Variants in MDGA1 observed in about 807,000 individuals in gnomAD.
MDGA1 encodes MAM domain-containing glycosylphosphatidylinositol anchor protein 1.
In MDGA1, 54 loss-of-function variants were observed where a neutral mutation model predicts 101.5. The observed-to-expected ratio is 0.53, with a 90% CI of 0.43 to 0.67. MDGA1 has a LOEUF of 0.67. MDGA1 is among the 30% of genes least tolerant of loss of function. The pLI is 0.00. For missense variants in MDGA1, 1,083 were observed against 1,323.8 expected, an observed-to-expected ratio of 0.82 and a Z score of 2.82; for synonymous variants, 533 against 558.3, an observed-to-expected ratio of 0.95 and a Z score of 0.64.
rs375950777 is a variant in MDGA1 at position 37,638,640 on chromosome 6, C to T, written c.2564G>A (p.Arg855Gln). Residue 855 changes from arginine to glutamine, a missense_variant, in exon 15 of 17, where the codon CGG (arginine) becomes CAG (glutamine). Physicochemically the swap from Arg to Gln is conservative, Grantham distance 43. Transcript: ENST00000434837. This position sits in a 1 kb window ranked among gnomAD's most constrained non-coding sequence, Gnocchi z 4.8. ...IGSLNLLVRS[R>Q]NKGALDTHAW... ...GTGCGTGTCCAGAGCCCCTTTGTTC[C>T]GGGACCGCACCAGGAGGTTGAGGGA... 11 of 1,613,562 alleles carry T rather than the reference C, an allele frequency of 6.8e-6. No homozygotes were observed. The highest frequency in any genetic ancestry group is 2.2e-5 in the East Asian group (1 of 44,884).
chr6:37,658,790 G>A lies in MDGA1; in HGVS notation c.208-371C>T, dbSNP rs899140093. ...GTTCGAGACCAGCCTGGCCAACATG[G>A]TGAAACCACGGCTCTACTAAAAATA... is the stretch of plus-strand genomic sequence containing the variant. On this transcript the variant is annotated intron_variant, in intron 2 of 16. Transcript: ENST00000434837. 2.6e-5 allele frequency among the ~76,000 whole-genome samples: 4 copies of A among 152,090 alleles called. No individual in the cohort carries two copies. In the South Asian group the frequency reaches 8.3e-4, roughly 32 times the overall value.
Position 37,646,227 on chromosome 6 carries a change from A to G in MDGA1, c.2195T>C (p.Met732Thr), listed in dbSNP as rs1761191105. ...TPYTTFGAGD[M>T]ASRIIHYTEP... ...TGTGTAGTGGATGATGCGGGAGGCC[A>G]TGTCACCAGCCCCGAAGGTGGTATA... is the stretch of plus-strand genomic sequence containing the variant. Residue 732 changes from methionine (M) to threonine (T), a missense_variant, in exon 11 of 17, where the codon ATG (methionine) becomes ACG (threonine). Coordinates refer to ENST00000434837, the MANE Select transcript of MDGA1 (RefSeq NM_153487.4). 3 of 1,590,932 alleles carry G rather than the reference A, an allele frequency of 1.9e-6. No individual in the cohort carries two copies. The highest frequency in any genetic ancestry group is 2.7e-5 in the African/African-American group (2 of 74,562).
At position 37,652,274 on chromosome 6, in the gene MDGA1, C is replaced by A; in HGVS notation, c.1049G>T (p.Gly350Val). The change falls in exon 7 of 17, where the codon GGC (glycine) becomes GTC (valine). Residue 350 changes from glycine to valine, a missense_variant. Physicochemically the swap from Gly to Val is moderately radical, Grantham distance 109. Coordinates refer to ENST00000434837, the MANE Select transcript of MDGA1 (RefSeq NM_153487.4). This position sits in a 1 kb window ranked among gnomAD's most constrained non-coding sequence, Gnocchi z 4.3. ...VIKESENIQL[G>V]QDLKLSCHVD... is the part of the protein sequence containing the mutation. The stretch of plus-strand genomic sequence containing the variant: ...GTGGCACGATAGCTTCAGGTCCTGG[C>A]CCAGCTGGATGTTCTCACTCTCTTT... 6.2e-7 allele frequency: 1 copy of A among 1,613,962 alleles called. No individual in the cohort carries two copies. The highest frequency in any genetic ancestry group is 8.5e-7 in the Non-Finnish European group (1 of 1,179,886).
Position 37,639,028 on chromosome 6 carries a change from C to T in MDGA1, c.2537-361G>A, listed in dbSNP as rs115077966. 5.4e-3 allele frequency: 1,227 copies of T among 227,232 alleles called. 13 individuals are homozygous for T. The highest frequency in any genetic ancestry group is 0.022 in the African/African-American group (995 of 45,108). 14.1% of individuals were successfully genotyped at this position (227,232 alleles called of 1,614,324 possible). A position where few individuals can be genotyped will look rare whatever the true frequency, so the allele number is the denominator to read the frequency against. On this transcript the variant is annotated intron_variant, in intron 14 of 16. Coordinates refer to ENST00000434837, the MANE Select transcript of MDGA1 (RefSeq NM_153487.4). ...GGGCAGTGGGACCTCTGTCTGGGCA[C>T]GCAGCAGGGTTTCCAAAGAAAACAG...
Position 37,655,643 on chromosome 6 carries a change from C to A in MDGA1, c.579+57G>T. Reference sequence around the variant, plus strand: ...TCCCAAAAACTCAGCCCCATGCCCCCCTCCCCTGTTGGATGCAGGAGAAGT... The same window carrying A: ...TCCCAAAAACTCAGCCCCATGCCCCACTCCCCTGTTGGATGCAGGAGAAGT... On this transcript the variant is annotated intron_variant, in intron 4 of 16. Coordinates refer to ENST00000434837, the MANE Select transcript of MDGA1 (RefSeq NM_153487.4). This position sits in a 1 kb window ranked among gnomAD's most constrained non-coding sequence, Gnocchi z 5.1. 1 of 1,392,614 alleles carries A rather than the reference C, an allele frequency of 7.2e-7. No individual in the cohort carries two copies. The highest frequency in any genetic ancestry group is 1.4e-5 in the South Asian group (1 of 70,394). 86.3% of individuals were successfully genotyped at this position (1,392,614 alleles called of 1,614,324 possible). A position where few individuals can be genotyped will look rare whatever the true frequency, so the allele number is the denominator to read the frequency against.
intron 16 of MDGA1, chr6:37,637,827 G>C (rs1763964605): frequency 1.9e-6 from 1 of 524,512 alleles, no homozygotes; most frequent in African/African-American, 1.9e-5. Flanking sequence ...TGTGTGCCTT[G>C]CCTGGTACAG....
At chr6:37,692,730 T>C (rs1336787486) in intron 1 of MDGA1, among the ~76,000 whole-genome samples, 1 of 150,310 alleles carries the variant, frequency 6.7e-6, no homozygotes, top group Non-Finnish European at 1.5e-5. Flanking sequence ...AGAGCTAATA[T>C]ACCAGGCTCT....
intron 2 of MDGA1, among the ~76,000 whole-genome samples, chr6:37,661,779 G>C (rs1036119313): frequency 2.6e-5 from 4 of 152,076 alleles, no homozygotes; most frequent in Non-Finnish European, 5.9e-5. Context: ...TAAATGAAGG[G>C]GAGCCATTGA....
intron 1 of MDGA1, among the ~76,000 whole-genome samples, chr6:37,672,733 TCAGA>T (rs1384171857): frequency 6.6e-6 from 1 of 152,170 alleles, no homozygotes; most frequent in Non-Finnish European, 1.5e-5. Context: ...CTGGCTTCCA[TCAGA>T]CAGTCATTCA....
chr6:37,650,961 A>T (rs1302540334), intron 7 of MDGA1, among the ~76,000 whole-genome samples: 1 of 152,252 alleles, frequency 6.6e-6, no homozygotes. Flanking sequence ...AAGGAAAATG[A>T]GGGCGTTTAA....
At chr6:37,668,845 C>A (rs1056730455) in intron 1 of MDGA1, among the ~76,000 whole-genome samples, 17 of 152,092 alleles carry the variant, frequency 1.1e-4, no homozygotes, top group African/African-American at 4.1e-4. Context: ...CTCTTTCTCT[C>A]TCTCTCTCTC....
At chr6:37,676,187 C>T (rs950202066) in intron 1 of MDGA1, among the ~76,000 whole-genome samples, 2 of 152,212 alleles carry the variant, frequency 1.3e-5, no homozygotes, top group African/African-American at 4.8e-5. Flanking sequence ...CCTGATAGGC[C>T]CCAGTCTCTA....
At chr6:37,657,084 C>T (rs1422634980) in intron 3 of MDGA1, among the ~76,000 whole-genome samples, 1 of 152,002 alleles carries the variant, frequency 6.6e-6, no homozygotes, top group African/African-American at 2.4e-5. Flanking sequence ...AAGTTGTTTA[C>T]ACACACACAC....
At chr6:37,664,415 C>G (rs944207256) in intron 1 of MDGA1, 1 of 266,874 alleles carries the variant, frequency 3.7e-6, no homozygotes, top group African/African-American at 2.1e-5. Context: ...GTTAGCATCA[C>G]CATCTTAGCA....
rs41273094 is a variant in MDGA1, at chr6:37,638,414, T to A, written c.2668-101A>T. On this transcript the variant is annotated intron_variant, in intron 15 of 16. Transcript: ENST00000434837. This position sits in a 1 kb window ranked among gnomAD's most constrained non-coding sequence, Gnocchi z 4.8. ...CCTTTCCCCTTAATCTACCTGGAAG[T>A]TCCCCCTAACCTGACTCTTTCCATC... 3.5e-5 allele frequency: 53 copies of A among 1,522,624 alleles called. No individual in the cohort carries two copies. The highest frequency in any genetic ancestry group is 7.1e-5 in the Admixed American group (4 of 56,722). 94.3% of individuals were successfully genotyped at this position (1,522,624 alleles called of 1,614,324 possible).
intron 1 of MDGA1, among the ~76,000 whole-genome samples, chr6:37,680,055 TG>T (rs1269708727): frequency 6.6e-6 from 1 of 152,202 alleles, no homozygotes; most frequent in Admixed American, 6.5e-5. Context: ...GCAAGTCATG[TG>T]TGACAGCTGA....
chr6:37,664,672 C>T (rs190792372), intron 1 of MDGA1, among the ~76,000 whole-genome samples: 9 of 145,262 alleles, frequency 6.2e-5, no homozygotes, highest in Admixed American at 2.8e-4. Flanking sequence ...TACTCCAGAG[C>T]TCCCCTGGAA....
At chr6:37,677,424 A>G (rs966028935) in intron 1 of MDGA1, among the ~76,000 whole-genome samples, 3 of 152,218 alleles carry the variant, frequency 2.0e-5, no homozygotes, top group Non-Finnish European at 4.4e-5. Flanking sequence ...AGAAAGGGAA[A>G]TTGGCTCCTA....
At chr6:37,666,101 C>A (rs1404030656) in intron 1 of MDGA1, among the ~76,000 whole-genome samples, 6 of 151,480 alleles carry the variant, frequency 4.0e-5, no homozygotes, top group African/African-American at 1.5e-4. Flanking sequence ...TAATCCCAGC[C>A]CTTTGGGAGG....
Sources: gnomAD v4.1 joint callset for allele counts (sites outside exome capture counted in the v4.1 genomes callset) on GRCh38, gnomAD v4.1.1 for gene constraint, Gnocchi (gnomAD v3.1) non-coding constraint, MANE v1.5 for transcripts, NCBI Gene and HGNC (gene_info 2026-07-23, HGNC 2026-07-21) for gene names.